Variants in ENTPD7 observed in about 807,000 individuals in gnomAD.
ENTPD7 encodes NTPDase 7.
Under a neutral mutation model 77.9 loss-of-function variants are expected in ENTPD7, and 53 were observed. The ratio of observed to expected loss-of-function variants is 0.68; its 90% confidence interval spans 0.55 to 0.85. The LOEUF (loss-of-function observed/expected upper bound fraction) is 0.85, where lower values mean the gene tolerates loss of function less well. Ranked by LOEUF, ENTPD7 falls within the 40% of genes least tolerant of loss-of-function variation. The pLI, the probability that ENTPD7 is intolerant of heterozygous loss-of-function variation, is 0.00. For missense variants in ENTPD7, 636 were observed against 743.7 expected, an observed-to-expected ratio of 0.86 and a Z score of 1.68; for synonymous variants, 248 against 274.9, an observed-to-expected ratio of 0.90 and a Z score of 0.97.
chr10:99,663,045 C>T (rs1439408747), intron 3 of ENTPD7, among the ~76,000 whole-genome samples: 1 of 152,206 alleles, frequency 6.6e-6, no homozygotes, highest in South Asian at 2.1e-4. Flanking sequence ...TTTACCATTT[C>T]TGGTCTGCTT....
In ENTPD7 at chr10:99,700,922, G is replaced by A. The variant is rs913683895; in HGVS notation, c.1336-51G>A. On this transcript the variant is annotated intron_variant, in intron 10 of 12. Coordinates refer to ENST00000370489, the MANE Select transcript of ENTPD7 (RefSeq NM_020354.5). ...AACAGCTGTGACTGTGGGGAAGGTA[G>A]AGAGTTTGCCTCCAAATTCATGTTG... 4 of 1,448,498 alleles carry A rather than the reference G, an allele frequency of 2.8e-6. No individual in the cohort carries two copies. The African/African-American group carries it at 5.6e-5, about 20-fold the overall frequency. The allele number at this position is 1,448,498 out of a possible 1,614,324, so 89.7% of individuals were successfully genotyped here. A position where few individuals can be genotyped will look rare whatever the true frequency, so the allele number is the denominator to read the frequency against.
intron 7 of ENTPD7, among the ~76,000 whole-genome samples, chr10:99,690,767 C>T (rs530283606): frequency 1.3e-5 from 2 of 151,970 alleles, no homozygotes; most frequent in South Asian, 4.2e-4. Flanking sequence ...GTCTCGAACT[C>T]CTGACCTTGT....
chr10:99,700,575 G>A (rs532050227), intron 10 of ENTPD7, among the ~76,000 whole-genome samples: 32 of 152,276 alleles, frequency 2.1e-4, no homozygotes, highest in Admixed American at 4.6e-4. Flanking sequence ...AAACCAAAAG[G>A]AATGATTATT....
At chr10:99,689,470 T>G (rs1185809629) in intron 7 of ENTPD7, among the ~76,000 whole-genome samples, 1 of 152,220 alleles carries the variant, frequency 6.6e-6, no homozygotes, top group African/African-American at 2.4e-5. Flanking sequence ...TGCATCTTTG[T>G]GGGGTTAACA....
At chr10:99,688,320 A>G (rs1190018441) in intron 6 of ENTPD7, among the ~76,000 whole-genome samples, 4 of 152,160 alleles carry the variant, frequency 2.6e-5, no homozygotes, top group Non-Finnish European at 4.4e-5. Context: ...GTTTCCAGAA[A>G]GCTGCTCCAT....
intron 3 of ENTPD7, 89 bp from the exon 4 acceptor site, chr10:99,679,172 A>T: frequency 7.8e-7 from 1 of 1,280,312 alleles, no homozygotes; most frequent in Non-Finnish European, 1.1e-6. Flanking sequence ...GTAGGCACTT[A>T]ATGAAGATTC....
At chr10:99,693,847 G>T (rs2035922389) in intron 8 of ENTPD7, among the ~76,000 whole-genome samples, 1 of 151,972 alleles carries the variant, frequency 6.6e-6, no homozygotes. Flanking sequence ...GAACCTGGGA[G>T]GCAGAAGTTG....
In ENTPD7 at chr10:99,685,866, A is replaced by G; in HGVS notation, c.623A>G (p.Gln208Arg). ...TTTGACTTCCTCTTTTCACAGTCTC[A>G]AGCAGAAGTGATCTCTGGGAAGCAG... ...LEFDFLFSQS[Q>R]AEVISGKQEG... is the part of the protein sequence containing the mutation. Residue 208 changes from glutamine to arginine, a missense_variant, in exon 6 of 13, where the codon CAA becomes CGA. Physicochemically the swap from Gln to Arg is conservative, Grantham distance 43 (BLOSUM62 1). Around this residue, in one of 3 missense-constraint regions of ENTPD7, gnomAD observed 486 missense variants for 556.5 expected, o/e 0.87. Transcript: ENST00000370489. The G allele has an allele frequency of 6.2e-7, 1 of 1,613,614 alleles. No homozygotes were observed. The highest frequency in any genetic ancestry group is 1.1e-5 in the South Asian group (1 of 91,052).
chr10:99,667,041 C>G (rs2035559316), intron 3 of ENTPD7, among the ~76,000 whole-genome samples: 1 of 152,160 alleles, frequency 6.6e-6, no homozygotes, highest in Non-Finnish European at 1.5e-5. Context: ...TAATTCTTGT[C>G]TATCACTGTA....
In ENTPD7 at chr10:99,704,528, T is replaced by G. The variant is rs755454118; in HGVS notation, c.1660T>G (p.Phe554Val). 1 of 1,614,208 alleles carries G rather than the reference T, an allele frequency of 6.2e-7. No individual in the cohort carries two copies. ...CTCCTTTGTATACAACCACTATCTC[T>G]TCTTTGCCTGTATCCTGGTGGTGCT... is the stretch of plus-strand genomic sequence containing the variant. ...RLSFVYNHYL[F>V]FACILVVLLA... Residue 554 changes from phenylalanine to valine, a missense_variant, in exon 13 of 13, where the codon TTC (phenylalanine) becomes GTC (valine). Transcript: ENST00000370489.
intron 3 of ENTPD7, among the ~76,000 whole-genome samples, chr10:99,672,466 C>T (rs112115090): frequency 0.092 from 14,005 of 151,898 alleles, 945 homozygotes; most frequent in East Asian, 0.31. Flanking sequence ...CCACCACACC[C>T]GACTAATTTT....
chr10:99,682,661 T>C (rs1387646519), intron 5 of ENTPD7, among the ~76,000 whole-genome samples: 2 of 152,226 alleles, frequency 1.3e-5, no homozygotes, highest in East Asian at 3.8e-4. Flanking sequence ...TTCACATATA[T>C]GTAATTTCCA....
intron 3 of ENTPD7, among the ~76,000 whole-genome samples, chr10:99,663,625 A>G (rs2035513781): frequency 6.6e-6 from 1 of 151,930 alleles, no homozygotes; most frequent in Admixed American, 6.6e-5. Context: ...ATACCTGGCT[A>G]ATTTTTTTGA....
chr10:99,688,365 G>A (rs1382703963), intron 6 of ENTPD7, among the ~76,000 whole-genome samples: 3 of 152,110 alleles, frequency 2.0e-5, no homozygotes, highest in Non-Finnish European at 2.9e-5. Flanking sequence ...GTATTCAGTG[G>A]GGAGACAAGA....
At chr10:99,686,677 T>C (rs1337826578) in intron 6 of ENTPD7, among the ~76,000 whole-genome samples, 1 of 152,100 alleles carries the variant, frequency 6.6e-6, no homozygotes, top group African/African-American at 2.4e-5. Flanking sequence ...TGCTCTAATA[T>C]CTTTGATAAT....
At chr10:99,692,187 A>C (rs530732817) in intron 8 of ENTPD7, among the ~76,000 whole-genome samples, 22 of 152,232 alleles carry the variant, frequency 1.4e-4, no homozygotes, top group Admixed American at 1.1e-3. Flanking sequence ...GCAGTGCTTA[A>C]CTTGATCTAA....
At chr10:99,684,313 A>G (rs1268892229) in intron 5 of ENTPD7, among the ~76,000 whole-genome samples, 1 of 152,168 alleles carries the variant, frequency 6.6e-6, no homozygotes, top group Non-Finnish European at 1.5e-5. Flanking sequence ...CACCCTCCCA[A>G]AGTGCTGGGA....
Position 99,679,841 on chromosome 10 carries a change from C to T in ENTPD7, c.514C>T (p.Leu172Phe). 1.9e-6 allele frequency: 3 copies of T among 1,614,072 alleles called. No individual in the cohort carries two copies. Among genetic ancestry groups the T allele is most frequent in the Non-Finnish European group, 2.5e-6 (3 of 1,180,004 alleles). ...KKHKETPLYI[L>F]CTAGMRLLPE... ...GCACAAGGAGACCCCTCTTTACATC[C>T]TCTGCACAGCAGGCATGAGGCTTCT... Residue 172 changes from leucine to phenylalanine, a missense_variant, in exon 5 of 13, where the codon CTC becomes TTC. Leu to Phe is a conservative substitution (Grantham distance 22). Transcript: ENST00000370489.
chr10:99,676,899 T>C (rs1163736244), intron 3 of ENTPD7, among the ~76,000 whole-genome samples: 1 of 152,230 alleles, frequency 6.6e-6, no homozygotes, highest in African/African-American at 2.4e-5. Context: ...TAATTTACAT[T>C]ATATTGAAGC....
Sources: gnomAD v4.1 joint callset for allele counts (sites outside exome capture counted in the v4.1 genomes callset) on GRCh38, gnomAD v4.1.1 for gene constraint, gnomAD v4.1.1 regional missense constraint, MANE v1.5 for transcripts, NCBI Gene and HGNC (gene_info 2026-07-23, HGNC 2026-07-21) for gene names.